Variants in ZNF326 observed in about 807,000 individuals in gnomAD.
ZNF326 encodes the protein zinc finger protein 326, also known as DBIRD complex subunit ZNF326.
A neutral mutation model predicts 63.1 loss-of-function variants in ZNF326; 30 were observed. That is an observed-to-expected ratio of 0.48 (90% CI 0.36 to 0.64). ZNF326 has a LOEUF of 0.64. Among genes scored for constraint, ZNF326 ranks in the 30% least tolerant of loss-of-function variants. ZNF326 has a pLI of 0.00. For synonymous variants in ZNF326, 194 were observed against 228.2 expected, an observed-to-expected ratio of 0.85 and a Z score of 1.35; for missense variants, 609 against 720.3, an observed-to-expected ratio of 0.85 and a Z score of 1.77.
intron 2 of ZNF326, among the ~76,000 whole-genome samples, chr1:90,001,781 C>T (rs1648696324): frequency 6.6e-6 from 1 of 152,068 alleles, no homozygotes; most frequent in South Asian, 2.1e-4. Context: ...TGGTCTTGAA[C>T]TCCTGACCTC....
chr1:90,004,795 G>C (rs1049890441), intron 2 of ZNF326, among the ~76,000 whole-genome samples: 1 of 80,972 alleles, frequency 1.2e-5, no homozygotes, highest in Non-Finnish European at 2.5e-5. Context: ...TGAAATATCA[G>C]GGCTTTTTTT....
intron 9 of ZNF326, 80 bp downstream of exon 9, chr1:90,018,864 C>T: frequency 1.3e-6 from 1 of 779,168 alleles, no homozygotes; most frequent in South Asian, 2.0e-5. Flanking sequence ...AAATGATAGC[C>T]ACTAGAGTGA....
rs1648931094 is a variant in ZNF326, at chr1:90,005,264, G to A, written c.209+20G>A. 1 of 1,601,308 alleles carries A rather than the reference G, an allele frequency of 6.2e-7. No individual in the cohort carries two copies. The highest frequency in any genetic ancestry group is 1.4e-5 in the African/African-American group (1 of 73,894). ...TAGCAGGTAAATTGCTTAATCATTTGGCCAAATAATTAGACAACTATAAGA... is the reference window on the plus strand; with the variant it reads ...TAGCAGGTAAATTGCTTAATCATTTAGCCAAATAATTAGACAACTATAAGA... On this transcript the variant is annotated intron_variant, in intron 4 of 11. Coordinates refer to ENST00000340281, the MANE Select transcript of ZNF326 (RefSeq NM_182976.4).
chr1:89,998,282 T>G, intron 2 of ZNF326, 128 bp downstream of exon 2: 2 of 764,728 alleles, frequency 2.6e-6, no homozygotes, highest in Non-Finnish European at 4.2e-6. Flanking sequence ...AATATTGTCT[T>G]ACTATATATA....
chr1:90,016,035 C>T (rs183187366), intron 7 of ZNF326, among the ~76,000 whole-genome samples: 30 of 152,100 alleles, frequency 2.0e-4, no homozygotes, highest in African/African-American at 7.2e-4. Context: ...GTTTTTGGAG[C>T]TTATGGAGCT....
At chr1:89,998,957 A>G (rs1207579468) in intron 2 of ZNF326, among the ~76,000 whole-genome samples, 1 of 152,232 alleles carries the variant, frequency 6.6e-6, no homozygotes, top group East Asian at 1.9e-4. Flanking sequence ...CTGAACAGTT[A>G]ATTTTTATTT....
Position 89,998,173 on chromosome 1 carries a change from C to A in ZNF326, c.61+19C>A, listed in dbSNP as rs138906234. ...TTTAATGGTAAGTATCCTCTTTCAG[C>A]TTTTCTCTTCATGCGCATAAAAATA... On this transcript the variant is annotated intron_variant, in intron 2 of 11. Transcript: ENST00000340281. 1 of 1,611,442 alleles carries A rather than the reference C, an allele frequency of 6.2e-7. No individual in the cohort carries two copies. The highest frequency in any genetic ancestry group is 1.1e-5 in the South Asian group (1 of 90,618).
At chr1:90,009,856 TATTC>T (rs1219456178) in intron 5 of ZNF326, among the ~76,000 whole-genome samples, 2 of 152,128 alleles carry the variant, frequency 1.3e-5, no homozygotes, top group Admixed American at 1.3e-4. Flanking sequence ...AGTTAGCAAA[TATTC>T]ATTATTTGTT....
At chr1:90,027,065 ATGTG>A (rs59960066) in intron 11 of ZNF326, among the ~76,000 whole-genome samples, 2 of 149,206 alleles carry the variant, frequency 1.3e-5, no homozygotes, top group East Asian at 2.0e-4. Context: ...ATGTGTATAT[ATGTG>A]TGTGTGTGTG....
chr1:90,016,219 C>T (rs1039348090), intron 7 of ZNF326, among the ~76,000 whole-genome samples: 1 of 151,890 alleles, frequency 6.6e-6, no homozygotes, highest in Non-Finnish European at 1.5e-5. Flanking sequence ...AACCAAGGCC[C>T]AGAAAACCAA....
intron 10 of ZNF326, 66 bp downstream of exon 10, chr1:90,020,988 C>T: frequency 2.6e-6 from 4 of 1,514,052 alleles, no homozygotes; most frequent in Non-Finnish European, 2.7e-6. Flanking sequence ...GTTCTTTGGC[C>T]ATAGCTTCAC....
chr1:90,025,218 A>T (rs1194735059), intron 11 of ZNF326, among the ~76,000 whole-genome samples: 1 of 152,182 alleles, frequency 6.6e-6, no homozygotes, highest in Non-Finnish European at 1.5e-5. Context: ...TGAGGCTAAG[A>T]TAAACAAAAA....
intron 4 of ZNF326, chr1:90,006,146 G>A: frequency 1.0e-6 from 1 of 985,348 alleles, no homozygotes; most frequent in Non-Finnish European, 1.2e-6. Context: ...GTACCACTAT[G>A]GTTTATAGTA....
At chr1:90,020,624 A>G (rs564546296) in intron 9 of ZNF326, among the ~76,000 whole-genome samples, 168 bp from the exon 10 acceptor site, 1 of 152,094 alleles carries the variant, frequency 6.6e-6, no homozygotes, top group Non-Finnish European at 1.5e-5. Flanking sequence ...GTAAATCTAC[A>G]TATGTAGATT....
At position 90,031,174 on chromosome 1, in the gene ZNF326, ACCTG is replaced by A; in HGVS notation, c.*3474_*3477del. ...CTGAAAGCACTGGAATCTATAACAG[ACCTG>A]TGGGAGTCAGAAAATGGGGACTTTT... On this transcript the variant is annotated 3_prime_UTR_variant, in exon 12 of 12. Transcript: ENST00000340281. 6.6e-6 allele frequency: 1 copy of A among 152,338 alleles called. No individual in the cohort carries two copies. The highest frequency in any genetic ancestry group is 1.5e-5 in the Non-Finnish European group (1 of 68,034). The allele number at this position is 152,338 out of a possible 1,614,324, so 9.4% of individuals were successfully genotyped here. A position where few individuals can be genotyped will look rare whatever the true frequency, so the allele number is the denominator to read the frequency against.
At chr1:90,012,820 G>C (rs1024342553) in intron 6 of ZNF326, among the ~76,000 whole-genome samples, 1 of 152,020 alleles carries the variant, frequency 6.6e-6, no homozygotes, top group African/African-American at 2.4e-5. Flanking sequence ...TAGGTGATAA[G>C]GATATTATTG....
intron 10 of ZNF326, among the ~76,000 whole-genome samples, chr1:90,021,916 A>C (rs1270823632): frequency 6.6e-6 from 1 of 152,128 alleles, no homozygotes; most frequent in Non-Finnish European, 1.5e-5. Context: ...TAGTATGAAA[A>C]ATTATTCTTT....
At chr1:90,014,793 C>T (rs2816887) in intron 7 of ZNF326, among the ~76,000 whole-genome samples, 316 of 152,194 alleles carry the variant, frequency 2.1e-3, no homozygotes, top group African/African-American at 7.1e-3. Context: ...CTTGTGATTC[C>T]TTCTTTTGGT....
intron 9 of ZNF326, among the ~76,000 whole-genome samples, 180 bp from the exon 10 acceptor site, chr1:90,020,612 T>C (rs780064329): frequency 2.0e-5 from 3 of 152,098 alleles, no homozygotes; most frequent in African/African-American, 2.4e-5. Context: ...GTTAGCAATA[T>C]AGTAAATCTA....
Sources: allele counts gnomAD v4.1 joint callset (sites outside exome capture counted in the v4.1 genomes callset), GRCh38; gene constraint gnomAD v4.1.1; transcripts MANE v1.5; gene names NCBI Gene and HGNC (gene_info 2026-07-23, HGNC 2026-07-21).